Variants in UGT1A5 observed in about 807,000 individuals in gnomAD.
UGT1A5 encodes the protein UDP glucuronosyltransferase family 1 member A5.
In UGT1A5, 29 loss-of-function variants were observed where a neutral mutation model predicts 40.3. The observed-to-expected ratio is 0.72, with a 90% CI of 0.54 to 0.98. The LOEUF (loss-of-function observed/expected upper bound fraction) is 0.98. Among genes scored for constraint, UGT1A5 ranks in the 50% least tolerant of loss-of-function variants. The pLI, the probability that UGT1A5 is intolerant of heterozygous loss-of-function variation, is 0.00. For missense variants in UGT1A5, 678 were observed against 677.9 expected, an observed-to-expected ratio of 1.00 and a Z score of 0.00; for synonymous variants, 257 against 262.5, an observed-to-expected ratio of 0.98 and a Z score of 0.20.
At position 233,713,558 on chromosome 2, in the gene UGT1A5, C is replaced by T. The variant is rs17863789; in HGVS notation, c.567C>T (p.Asn189=). 1.1e-4 allele frequency: 181 copies of T among 1,613,960 alleles called. 2 individuals carry two copies. The Admixed American group carries it at 2.1e-3, about 19-fold the overall frequency. Residue 189 remains asparagine, a synonymous_variant, in exon 1 of 5, where the codon AAC becomes AAT. Transcript: ENST00000373414. ...ACTTTAAGGGCACACAGTGTCCAAA[C>T]CCTTCCTCCTATATTCCTAGATTAC... The part of the protein sequence containing the change: ...DLDFKGTQCP[N]PSSYIPRLLT...
Position 233,734,360 on chromosome 2 carries a change from C to A in UGT1A5, c.867+20502C>A, listed in dbSNP as rs565800937. 2.0e-5 allele frequency among the ~76,000 whole-genome samples: 3 copies of A among 152,192 alleles called. No homozygotes were observed. The East Asian group carries it at 5.8e-4, about 29-fold the overall frequency. On this transcript the variant is annotated intron_variant, in intron 1 of 4. Transcript: ENST00000373414. ...ATGGTAGTTTGTATTTCTGTGGGAT[C>A]GGTGGTGATATTGCCTTTACTATTT...
Position 233,719,499 on chromosome 2 carries a change from T to C in UGT1A5, c.867+5641T>C, listed in dbSNP as rs761613256. The C allele has an allele frequency of 9.3e-6, 15 of 1,613,718 alleles. No homozygotes were observed. Among genetic ancestry groups the C allele is most frequent in the Non-Finnish European group, 8.5e-6 (10 of 1,179,804 alleles). Reference sequence around the variant, plus strand: ...GGCCCTGTCCTACATTTGCCATACTTTTTCTGCCCCTTATGCAAGTCTTGC... The same window carrying C: ...GGCCCTGTCCTACATTTGCCATACTCTTTCTGCCCCTTATGCAAGTCTTGC... On this transcript the variant is annotated intron_variant, in intron 1 of 4. Transcript: ENST00000373414.
At chr2:233,733,474 A>T (rs894713711) in intron 1 of UGT1A5, among the ~76,000 whole-genome samples, 1 of 152,316 alleles carries the variant, frequency 6.6e-6, no homozygotes, top group Admixed American at 6.5e-5. Context: ...TTATTTTGAG[A>T]TACTTCCATC....
intron 1 of UGT1A5, chr2:233,717,759 G>A (rs1415784532): frequency 2.2e-6 from 1 of 456,590 alleles, no homozygotes; most frequent in East Asian, 6.9e-5. Flanking sequence ...CCCTAGAAAG[G>A]CACACATTTA....
chr2:233,713,032 C>T lies in UGT1A5; in HGVS notation c.41C>T (p.Thr14Ile). The T allele has an allele frequency of 1.2e-6, 2 of 1,613,918 alleles. No individual in the cohort carries two copies. Among genetic ancestry groups the T allele is most frequent in the Non-Finnish European group, 1.7e-6 (2 of 1,180,036 alleles). ...GLQVPLPQLA[T>I]GLLLLLSVQP... is the part of the protein sequence containing the mutation. Reference sequence around the variant, plus strand: ...CAGGTTCCCCTGCCGCAGCTGGCCACAGGACTGCTGCTTCTCCTCAGTGTC... The same window carrying T: ...CAGGTTCCCCTGCCGCAGCTGGCCATAGGACTGCTGCTTCTCCTCAGTGTC... The change falls in exon 1 of 5, where the codon ACA becomes ATA. Residue 14 changes from threonine to isoleucine, a missense_variant. Transcript: ENST00000373414.
At position 233,769,640 on chromosome 2, in the gene UGT1A5, T is replaced by G; in HGVS notation, c.1307+1201T>G. ...TGAGCAAGGGACAACAGGGGAGGACTGATGACTGACTTCCCACCTTTGAGG... is the reference window on the plus strand; with the variant it reads ...TGAGCAAGGGACAACAGGGGAGGACGGATGACTGACTTCCCACCTTTGAGG... On this transcript the variant is annotated intron_variant, in intron 4 of 4. Coordinates refer to ENST00000373414, the MANE Select transcript of UGT1A5 (RefSeq NM_019078.2). This position sits in a 1 kb window ranked among gnomAD's most constrained non-coding sequence, Gnocchi z 4.4. The G allele has an allele frequency of 6.2e-7, 1 of 1,609,904 alleles. No individual in the cohort carries two copies. Among genetic ancestry groups the G allele is most frequent in the Non-Finnish European group, 8.5e-7 (1 of 1,178,488 alleles).
chr2:233,713,124 C>T lies in UGT1A5; in HGVS notation c.133C>T (p.Arg45Trp), dbSNP rs746932812. 81 of 1,614,064 alleles carry T rather than the reference C, an allele frequency of 5.0e-5. No individual in the cohort carries two copies. In the East Asian group the frequency reaches 1.0e-3, roughly 20 times the overall value. Residue 45 changes from arginine to tryptophan, a missense_variant, in exon 1 of 5, where the codon CGG becomes TGG. Physicochemically the swap from Arg to Trp is moderately radical, Grantham distance 101. Coordinates refer to ENST00000373414, the MANE Select transcript of UGT1A5 (RefSeq NM_019078.2). ...PTDGSHWLSM[R>W]EALRDLHARG... ...TGATGGCAGCCACTGGCTCAGCATG[C>T]GGGAGGCCTTGCGGGACCTCCATGC...
chr2:233,757,162 G>C (rs1696424537), intron 1 of UGT1A5, among the ~76,000 whole-genome samples: 1 of 151,472 alleles, frequency 6.6e-6, no homozygotes, highest in African/African-American at 2.4e-5. Context: ...GTCTATCCCA[G>C]AGTTTTGAGA....
intron 1 of UGT1A5, among the ~76,000 whole-genome samples, chr2:233,724,261 G>T: frequency 1.0e-5 from 1 of 98,912 alleles, no homozygotes; most frequent in African/African-American, 4.1e-5. Context: ...CTCACCTCCC[G>T]GACGGGGCGG....
intron 4 of UGT1A5, among the ~76,000 whole-genome samples, chr2:233,771,929 A>G (rs1433247357): frequency 6.6e-6 from 1 of 152,182 alleles, no homozygotes; most frequent in African/African-American, 2.4e-5. Flanking sequence ...AGCCTGGGCA[A>G]CACAATAAGA....
chr2:233,747,827 G>A, intron 1 of UGT1A5: 1 of 1,613,482 alleles, frequency 6.2e-7, no homozygotes, highest in Non-Finnish European at 8.5e-7. Context: ...CAGACCACAT[G>A]ACATTCCTGC....
At chr2:233,725,400 G>T (rs1284897270) in intron 1 of UGT1A5, among the ~76,000 whole-genome samples, 3 of 151,354 alleles carry the variant, frequency 2.0e-5, no homozygotes, top group Non-Finnish European at 2.9e-5. Context: ...TACCTTGATG[G>T]TCTAATACAG....
chr2:233,752,967 C>G (rs1695099374), intron 1 of UGT1A5, among the ~76,000 whole-genome samples: 2 of 152,152 alleles, frequency 1.3e-5, no homozygotes, highest in African/African-American at 2.4e-5. Context: ...TTTATGTAAC[C>G]AATTGTGTAG....
At chr2:233,729,564 T>A in intron 1 of UGT1A5, 2 of 1,614,164 alleles carry the variant, frequency 1.2e-6, no homozygotes. Flanking sequence ...CTACTTCCTT[T>A]GATGTGGTTT....
intron 1 of UGT1A5, chr2:233,717,837 C>A (rs761149385): frequency 2.4e-5 from 11 of 455,250 alleles, no homozygotes; most frequent in South Asian, 1.7e-4. Context: ...CTGGAGGAAC[C>A]ATTCTTATCA....
rs757096232 is a variant in UGT1A5 at position 233,713,207 on chromosome 2, G to T, written c.216G>T (p.Glu72Asp). 1.2e-6 allele frequency: 2 copies of T among 1,614,230 alleles called. No homozygotes were observed. The highest frequency in any genetic ancestry group is 1.7e-5 in the Admixed American group (1 of 60,030). Residue 72 changes from glutamate (E) to aspartate (D), a missense_variant, in exon 1 of 5, where the codon GAG (glutamate) becomes GAT (aspartate). Glu to Asp is a conservative substitution (Grantham distance 45). Coordinates refer to ENST00000373414, the MANE Select transcript of UGT1A5 (RefSeq NM_019078.2). ...TLEVNMYIKE[E>D]NFFTLTTYAI... ...AGGTGAATATGTACATCAAAGAAGA[G>T]AACTTTTTCACCCTGACAACGTATG... is the stretch of plus-strand genomic sequence containing the variant.
intron 1 of UGT1A5, among the ~76,000 whole-genome samples, chr2:233,735,014 T>A (rs902605197): frequency 6.6e-6 from 1 of 152,232 alleles, no homozygotes; most frequent in Non-Finnish European, 1.5e-5. Flanking sequence ...GAGAGTTCTG[T>A]AGATGTCTAT....
At chr2:233,760,437 G>A (rs1351570136) in intron 1 of UGT1A5, 1 of 1,614,104 alleles carries the variant, frequency 6.2e-7, no homozygotes, top group East Asian at 2.2e-5. Flanking sequence ...TCCAGCAGCT[G>A]CAGCAGAGGG....
At position 233,747,373 on chromosome 2, in the gene UGT1A5, G is replaced by A. The variant is rs565595947; in HGVS notation, c.868-19661G>A. 4.2e-4 allele frequency: 670 copies of A among 1,604,600 alleles called. 2 individuals are homozygous for A. The highest frequency in any genetic ancestry group is 5.4e-4 in the Non-Finnish European group (630 of 1,172,902). ...GAGGCCGTGCGGGAGCTCCATGCCAGAGGCCACCAGGCGGTGGTCCTCACC... is the reference window on the plus strand; with the variant it reads ...GAGGCCGTGCGGGAGCTCCATGCCAAAGGCCACCAGGCGGTGGTCCTCACC... On this transcript the variant is annotated intron_variant, in intron 1 of 4. Coordinates refer to ENST00000373414, the MANE Select transcript of UGT1A5 (RefSeq NM_019078.2).
Sources: gnomAD v4.1 joint callset for allele counts (sites outside exome capture counted in the v4.1 genomes callset) on GRCh38, gnomAD v4.1.1 for gene constraint, Gnocchi (gnomAD v3.1) non-coding constraint, MANE v1.5 for transcripts, NCBI Gene and HGNC (gene_info 2026-07-23, HGNC 2026-07-21) for gene names.